Variants in TCTN1 observed in about 807,000 individuals in gnomAD.
The protein encoded by TCTN1 is tectonic family member 1.
Under a neutral mutation model 65.8 loss-of-function variants are expected in TCTN1, and 58 were observed. That is an observed-to-expected ratio of 0.88 (90% confidence interval 0.71 to 1.10). TCTN1 has a LOEUF of 1.10. Ranked by LOEUF, TCTN1 falls within the 50% of genes least tolerant of loss-of-function variation. The probability of loss-of-function intolerance (pLI) is 0.00; values close to 1 mark genes in which losing one functional copy is unlikely to be tolerated. For synonymous variants in TCTN1, 273 were observed against 289.1 expected, an observed-to-expected ratio of 0.94 and a Z score of 0.57; for missense variants, 645 against 719.4, an observed-to-expected ratio of 0.90 and a Z score of 1.18.
chr12:110,633,898 TG>T (rs2066389958), intron 5 of TCTN1, among the ~76,000 whole-genome samples: 1 of 152,196 alleles, frequency 6.6e-6, no homozygotes, highest in Admixed American at 6.5e-5. Flanking sequence ...TTCCAGGAGT[TG>T]ATCCTACAGA....
intron 3 of TCTN1, among the ~76,000 whole-genome samples, chr12:110,626,767 T>TC (rs2065875784): frequency 6.9e-6 from 1 of 144,368 alleles, no homozygotes; most frequent in Admixed American, 6.9e-5. Flanking sequence ...TGCGTGGTTT[T>TC]TTTTTTTTTT....
At position 110,614,401 on chromosome 12, in the gene TCTN1, C is replaced by T; in HGVS notation, c.219C>T (p.Asp73=). The T allele has an allele frequency of 1.3e-6, 2 of 1,593,364 alleles. No homozygotes were observed. Among genetic ancestry groups the T allele is most frequent in the Non-Finnish European group, 1.7e-6 (2 of 1,170,140 alleles). The change falls in exon 1 of 15, where the codon GAC becomes GAT. Residue 73 remains aspartate, a splice_region_variant and synonymous_variant. Transcript: ENST00000397659. ...SSGPRPTPVT[D]VAVLCVCDLS... ...GCCCCAGGCCTACCCCAGTCACGGA[C>T]GGTGGGTACCATGTGCCAGCTCCTG...
rs371899538 is a variant in TCTN1 at position 110,640,419 on chromosome 12, C to T, written c.880C>T (p.Leu294=). 6.5e-5 allele frequency: 105 copies of T among 1,614,148 alleles called. No individual in the cohort carries two copies. In the East Asian group the frequency reaches 1.9e-3, roughly 29 times the overall value. ...ITVQSIVIQS[L]NKTLTRREDT... ...TGTTCAGTCCATCGTCATTCAGTCT[C>T]TAAATAAAACGCTCACCCGACGGGA... The change falls in exon 8 of 15, where the codon CTA becomes TTA. Residue 294 remains leucine (L), a synonymous_variant. Transcript: ENST00000397659. The surrounding 1 kb of genome is among the most constrained non-coding windows in gnomAD (Gnocchi z 4.9).
chr12:110,638,398 A>G (rs1482157343), intron 7 of TCTN1, among the ~76,000 whole-genome samples: 1 of 152,258 alleles, frequency 6.6e-6, no homozygotes, highest in Non-Finnish European at 1.5e-5. Context: ...AGGTTAGAGG[A>G]TCAGGAGTAT....
Position 110,647,042 on chromosome 12 carries a change from G to T in TCTN1, c.1495-154G>T, listed in dbSNP as rs551150126. On this transcript the variant is annotated intron_variant, in intron 12 of 14. Transcript: ENST00000397659. ...GGGGCATTGAGTTACTTTAAAACAC[G>T]TATATTCTCTAAGCTGTTTTTATCT... 5.9e-6 allele frequency: 5 copies of T among 853,944 alleles called. No homozygotes were observed. In the African/African-American group the frequency reaches 8.6e-5, roughly 15 times the overall value. The allele number at this position is 853,944 out of a possible 1,614,324, so 52.9% of individuals were successfully genotyped here.
Position 110,641,152 on chromosome 12 carries a change from A to G in TCTN1, c.1104+3A>G. 1.9e-6 allele frequency: 3 copies of G among 1,614,228 alleles called. No homozygotes were observed. Among genetic ancestry groups the G allele is most frequent in the Non-Finnish European group, 2.5e-6 (3 of 1,180,028 alleles). ...AGTTTGAAATTCATTTTCTTCAGGT[A>G]AGGTTGATCAATTTGGCATAAGTAT... On this transcript the variant is annotated splice_donor_region_variant and intron_variant, in intron 9 of 14. Transcript: ENST00000397659.
Position 110,639,438 on chromosome 12 carries a change from C to CTG in TCTN1, c.844-923_844-922dup, listed in dbSNP as rs10673730. ...ATAATCCTACCACCCAGAGAAACCA[C>CTG]TGTGTGTGTGTGTGTGTGTGTGTAT... On this transcript the variant is annotated intron_variant, in intron 7 of 14. Transcript: ENST00000397659. The surrounding 1 kb of genome is among the most constrained non-coding windows in gnomAD (Gnocchi z 4.9). Among the ~76,000 whole-genome samples the CTG allele has an allele frequency of 0.038, 5,585 of 148,070 alleles. 109 individuals carry two copies. Among genetic ancestry groups the CTG allele is most frequent in the African/African-American group, 0.048 (1,927 of 40,404 alleles).
chr12:110,621,236 T>C (rs886069133), intron 2 of TCTN1, among the ~76,000 whole-genome samples: 1 of 152,214 alleles, frequency 6.6e-6, no homozygotes, highest in Admixed American at 6.5e-5. Flanking sequence ...ACTTGATAGG[T>C]GAACCCTTTT....
chr12:110,615,999 A>G (rs2065008466), intron 1 of TCTN1, among the ~76,000 whole-genome samples: 1 of 152,214 alleles, frequency 6.6e-6, no homozygotes, highest in Non-Finnish European at 1.5e-5. Flanking sequence ...GCTCTGTTTT[A>G]TATTTAAATT....
At chr12:110,634,487 G>C (rs1404136030) in intron 5 of TCTN1, 183 bp from the exon 6 acceptor site, 1 of 615,790 alleles carries the variant, frequency 1.6e-6, no homozygotes, top group Non-Finnish European at 2.9e-6. Flanking sequence ...GACCAGTCTG[G>C]GCAACACGGT....
Position 110,641,522 on chromosome 12 carries a change from A to C in TCTN1, c.1105-20A>C, listed in dbSNP as rs1262155388. 6.2e-7 allele frequency: 1 copy of C among 1,608,558 alleles called. No homozygotes were observed. Among genetic ancestry groups the C allele is most frequent in the South Asian group, 1.1e-5 (1 of 90,948 alleles). ...ATTAAAATGAGAATTATTTGGGGGCATTTCTGCATTGTCTTTCAGGAAAAT... is the reference window on the plus strand; with the variant it reads ...ATTAAAATGAGAATTATTTGGGGGCCTTTCTGCATTGTCTTTCAGGAAAAT... On this transcript the variant is annotated intron_variant, in intron 9 of 14. Transcript: ENST00000397659.
Position 110,614,376 on chromosome 12 carries a change from G to A in TCTN1, c.194G>A (p.Gly65Asp). Reference sequence around the variant, plus strand: ...CCCAGGGCTCCAGGGCCCTCCTCCGGCCCCAGGCCTACCCCAGTCACGGAC... The same window carrying A: ...CCCAGGGCTCCAGGGCCCTCCTCCGACCCCAGGCCTACCCCAGTCACGGAC... ...GTPRAPGPSS[G>D]PRPTPVTDVA... The change falls in exon 1 of 15, where the codon GGC becomes GAC. Residue 65 changes from glycine (G) to aspartate (D), a missense_variant. Gly to Asp is a moderately conservative substitution (Grantham distance 94). Transcript: ENST00000397659. 1 of 1,603,984 alleles carries A rather than the reference G, an allele frequency of 6.2e-7. No individual in the cohort carries two copies.
intron 6 of TCTN1, among the ~76,000 whole-genome samples, chr12:110,635,347 C>T (rs980567505): frequency 3.3e-5 from 5 of 152,136 alleles, no homozygotes; most frequent in African/African-American, 1.2e-4. Flanking sequence ...GGAAGAAGAC[C>T]TTTTTCAATG....
Position 110,649,380 on chromosome 12 carries a change from GTC to G in TCTN1, c.*341_*342del. 6.3e-7 allele frequency: 1 copy of G among 1,576,288 alleles called. No individual in the cohort carries two copies. Among genetic ancestry groups the G allele is most frequent in the Non-Finnish European group, 8.7e-7 (1 of 1,148,600 alleles). On this transcript the variant is annotated 3_prime_UTR_variant, in exon 15 of 15. Coordinates refer to ENST00000397659, the MANE Select transcript of TCTN1 (RefSeq NM_001082538.3). ...TGACAGCACAGGCCCATGAGACAGT[GTC>G]TTCTTTTTGAGGGGAGCTGGTCCGG... is the stretch of plus-strand genomic sequence containing the variant.
intron 1 of TCTN1, among the ~76,000 whole-genome samples, chr12:110,618,401 C>T (rs1332962117): frequency 6.6e-6 from 1 of 152,152 alleles, no homozygotes; most frequent in African/African-American, 2.4e-5. Context: ...CCACCACACC[C>T]AGCTAGTTTT....
chr12:110,643,275 G>A (rs2067082529), intron 11 of TCTN1: 1 of 152,120 alleles, frequency 6.6e-6, no homozygotes, highest in African/African-American at 2.4e-5. Context: ...AATATTTCCT[G>A]TGTTTCTCAA....
intron 7 of TCTN1, among the ~76,000 whole-genome samples, chr12:110,637,372 A>C (rs2066646854): frequency 6.6e-6 from 1 of 152,154 alleles, no homozygotes; most frequent in South Asian, 2.1e-4. Context: ...CTCTGCACAC[A>C]AACATGTTTG....
At chr12:110,619,735 A>G (rs1193304348) in intron 1 of TCTN1, 101 bp from the exon 2 acceptor site, 5 of 1,581,004 alleles carry the variant, frequency 3.2e-6, no homozygotes, top group Middle Eastern at 2.1e-4. Flanking sequence ...AATAAAATGG[A>G]TCTTTTTTAT....
In TCTN1 at chr12:110,619,820, CCT is replaced by C; in HGVS notation, c.221-13_221-12del. 1 of 1,613,978 alleles carries C rather than the reference CCT, an allele frequency of 6.2e-7. No individual in the cohort carries two copies. Among genetic ancestry groups the C allele is most frequent in the Admixed American group, 1.7e-5 (1 of 60,002 alleles). On this transcript the variant is annotated splice_polypyrimidine_tract_variant and intron_variant, in intron 1 of 14. Coordinates refer to ENST00000397659, the MANE Select transcript of TCTN1 (RefSeq NM_001082538.3). The stretch of plus-strand genomic sequence containing the variant: ...TGATGGTGATGTTCTGGATCCTACC[CCT>C]CTTTTTTCTGCAGTTGCTGTTCTCT...
Sources: allele counts gnomAD v4.1 joint callset (sites outside exome capture counted in the v4.1 genomes callset), GRCh38; gene constraint gnomAD v4.1.1; non-coding constraint Gnocchi (gnomAD v3.1); transcripts MANE v1.5; gene names NCBI Gene and HGNC (gene_info 2026-07-23, HGNC 2026-07-21).